CROCC2: variants seen among roughly 807,000 people sequenced by gnomAD.
The protein encoded by CROCC2 is ciliary rootlet coiled-coil, rootletin family member 2.
CROCC2 carries 163 observed loss-of-function variants against 177.6 expected under a neutral mutation model. The observed-to-expected ratio is 0.92, with a 90% CI of 0.81 to 1.05. The LOEUF (loss-of-function observed/expected upper bound fraction) is 1.05, where lower values mean the gene tolerates loss of function less well. Among genes scored for constraint, CROCC2 ranks in the 50% least tolerant of loss-of-function variants. The pLI is 0.00. For synonymous variants in CROCC2, 904 were observed against 787.3 expected (o/e 1.15, Z -2.48); for missense variants, 1,929 against 1,797.8 (o/e 1.07, Z -1.32).
rs2059810055 is a variant in CROCC2 at position 240,982,827 on chromosome 2, G to A, written c.4402-53G>A. 2 of 1,498,848 alleles carry A rather than the reference G, an allele frequency of 1.3e-6. No homozygotes were observed. Among genetic ancestry groups the A allele is most frequent in the Non-Finnish European group, 1.8e-6 (2 of 1,113,962 alleles). 92.8% of individuals were successfully genotyped at this position (1,498,848 alleles called of 1,614,324 possible). A position where few individuals can be genotyped will look rare whatever the true frequency, so the allele number is the denominator to read the frequency against. On this transcript the variant is annotated intron_variant, in intron 27 of 31. Transcript: ENST00000690015. This position sits in a 1 kb window ranked among gnomAD's most constrained non-coding sequence, Gnocchi z 4.7. ...GCCCTGAGGCCAGGGTTTCCCTGCA[G>A]GGCCTCCCACCCCCAGTGTCTCCAG...
chr2:240,988,655 C>CGTGTAG, intron 28 of CROCC2, 84 bp from the exon 29 acceptor site: 1 of 1,264,470 alleles, frequency 7.9e-7, no homozygotes, highest in Non-Finnish European at 1.0e-6. Context: ...TTCCCAGAGG[C>CGTGTAG]AACCCTGTGC....
At chr2:240,950,192 G>T (rs938625286) in intron 17 of CROCC2, 142 bp from the exon 18 acceptor site, 10 of 735,288 alleles carry the variant, frequency 1.4e-5, no homozygotes, top group Middle Eastern at 3.9e-4. Context: ...GGAAGACGTG[G>T]GGGGTGTGCA....
chr2:240,973,663 C>G lies in CROCC2; in HGVS notation c.4401+5401C>G, dbSNP rs2059738707. Among the ~76,000 whole-genome samples the G allele has an allele frequency of 6.6e-6, 1 of 152,234 alleles. No homozygotes were observed. Among genetic ancestry groups the G allele is most frequent in the Admixed American group, 6.5e-5 (1 of 15,284 alleles). On this transcript the variant is annotated intron_variant, in intron 27 of 31. Coordinates refer to ENST00000690015, the MANE Select transcript of CROCC2 (RefSeq NM_001351305.2). The surrounding 1 kb of genome is among the most constrained non-coding windows in gnomAD (Gnocchi z 4.7). ...TTCCGGGGTCCACATATGCCCACAG[C>G]TAGCAGAGCAGCTTAGGGCCAGCGG... is the stretch of plus-strand genomic sequence containing the variant.
At chr2:240,932,543 A>G (rs2059439840) in intron 8 of CROCC2, 129 bp downstream of exon 8, 3 of 689,448 alleles carry the variant, frequency 4.4e-6, no homozygotes, top group Non-Finnish European at 5.4e-6. Flanking sequence ...CCTGCAGTGC[A>G]CTTTGAGGCA....
At chr2:240,914,513 G>A (rs2059306806) in intron 1 of CROCC2, among the ~76,000 whole-genome samples, 1 of 152,224 alleles carries the variant, frequency 6.6e-6, no homozygotes. Flanking sequence ...AGCAGGACCT[G>A]GCAGCCCCCT....
At chr2:240,906,894 GGA>G (rs1034779816) in intron 1 of CROCC2, among the ~76,000 whole-genome samples, 3 of 151,508 alleles carry the variant, frequency 2.0e-5, no homozygotes, top group African/African-American at 7.3e-5. Flanking sequence ...TTTGCGGGGT[GGA>G]GAGAGAGCCC....
At position 240,932,806 on chromosome 2, in the gene CROCC2, C is replaced by A; in HGVS notation, c.1149C>A (p.Pro383=). 1 of 1,515,012 alleles carries A rather than the reference C, an allele frequency of 6.6e-7. No homozygotes were observed. The highest frequency in any genetic ancestry group is 9.0e-7 in the Non-Finnish European group (1 of 1,117,112). The allele number at this position is 1,515,012 out of a possible 1,614,324, so 93.8% of individuals were successfully genotyped here. A position where few individuals can be genotyped will look rare whatever the true frequency, so the allele number is the denominator to read the frequency against. The change falls in exon 9 of 32, where the codon CCC becomes CCA. Residue 383 remains proline, a synonymous_variant. Transcript: ENST00000690015. The stretch of plus-strand genomic sequence containing the variant: ...GGAGCCCCCAACGTGCCACATCCCC[C>A]CATCAAGGGGCGTCCCCACCACACA... ...PLRSPQRATS[P]HQGASPPHIC...
At chr2:240,969,652 T>C (rs56327669) in intron 27 of CROCC2, among the ~76,000 whole-genome samples, 10,661 of 152,234 alleles carry the variant, frequency 0.07, 510 homozygotes, top group African/African-American at 0.13. Context: ...TTTATGTGTA[T>C]AGTCACATGT....
chr2:240,915,061 C>T (rs961921221), intron 1 of CROCC2, among the ~76,000 whole-genome samples: 7 of 152,182 alleles, frequency 4.6e-5, no homozygotes, highest in African/African-American at 1.7e-4. Flanking sequence ...CTTTTGCAGG[C>T]AGTATGGGCT....
Position 240,961,830 on chromosome 2 carries a change from C to T in CROCC2, c.3088-1726C>T, listed in dbSNP as rs1211179231. 1.8e-4 allele frequency among the ~76,000 whole-genome samples: 11 copies of T among 61,338 alleles called. 3 individuals are homozygous for T. The highest frequency in any genetic ancestry group is 6.3e-4 in the African/African-American group (8 of 12,754). The allele number at this position is 61,338 out of a possible 152,430, so 40.2% of individuals were successfully genotyped here. On this transcript the variant is annotated intron_variant, in intron 20 of 31. Coordinates refer to ENST00000690015, the MANE Select transcript of CROCC2 (RefSeq NM_001351305.2). ...ACTCACATACACTCACACACACGCACGCACACATACACTCATGACACACAC... is the reference window on the plus strand; with the variant it reads ...ACTCACATACACTCACACACACGCATGCACACATACACTCATGACACACAC...
At position 240,935,872 on chromosome 2, in the gene CROCC2, T is replaced by C. The variant is rs138366508; in HGVS notation, c.2169+284T>C. On this transcript the variant is annotated intron_variant, in intron 14 of 31. Coordinates refer to ENST00000690015, the MANE Select transcript of CROCC2 (RefSeq NM_001351305.2). The stretch of plus-strand genomic sequence containing the variant: ...TGACTTCTGCACACTGGGCTCTTAG[T>C]GAGCTTTGCTGTTTCCTCCTCTGTC... 3.1e-3 allele frequency among the ~76,000 whole-genome samples: 465 copies of C among 152,344 alleles called. 9 individuals are homozygous for C. Among genetic ancestry groups the C allele is most frequent in the East Asian group, 0.029 (152 of 5,184 alleles).
chr2:240,938,449 T>C (rs1414072131), intron 14 of CROCC2, among the ~76,000 whole-genome samples: 2 of 152,258 alleles, frequency 1.3e-5, no homozygotes, highest in South Asian at 2.1e-4. Flanking sequence ...AACCACACTG[T>C]CTTGATTATG....
At chr2:240,925,434 GT>G (rs1037954172) in intron 4 of CROCC2, among the ~76,000 whole-genome samples, 8 of 152,234 alleles carry the variant, frequency 5.3e-5, no homozygotes, top group Non-Finnish European at 8.8e-5. Flanking sequence ...ACGGGCCAAG[GT>G]TGCAGAGCCA....
At chr2:240,929,583 C>G (rs2059415070) in intron 5 of CROCC2, 2 of 436,906 alleles carry the variant, frequency 4.6e-6, no homozygotes, top group Non-Finnish European at 9.3e-6. Flanking sequence ...GGCTTCCCAC[C>G]CTCCTCCCTG....
At position 240,917,296 on chromosome 2, in the gene CROCC2, C is replaced by T. The variant is rs974684047; in HGVS notation, c.79-1430C>T. Reference sequence around the variant, plus strand: ...GTCTGCGGTGACTCTCCAACCCCGGCGAGGGGGGCCGCGATCTTTGGGGTG... The same window carrying T: ...GTCTGCGGTGACTCTCCAACCCCGGTGAGGGGGGCCGCGATCTTTGGGGTG... On this transcript the variant is annotated intron_variant, in intron 1 of 31. Coordinates refer to ENST00000690015, the MANE Select transcript of CROCC2 (RefSeq NM_001351305.2). This position sits in a 1 kb window ranked among gnomAD's most constrained non-coding sequence, Gnocchi z 4.9. Among the ~76,000 whole-genome samples the T allele has an allele frequency of 3.7e-5, 5 of 136,132 alleles. No homozygotes were observed. The highest frequency in any genetic ancestry group is 1.7e-4 in the African/African-American group (5 of 29,602). 89.3% of individuals were successfully genotyped at this position (136,132 alleles called of 152,430 possible). A position where few individuals can be genotyped will look rare whatever the true frequency, so the allele number is the denominator to read the frequency against.
chr2:240,963,882 G>T (rs1467344825), intron 21 of CROCC2, 109 bp downstream of exon 21: 4 of 1,194,110 alleles, frequency 3.3e-6, no homozygotes, highest in Non-Finnish European at 4.7e-6. Context: ...TGTTGACTTG[G>T]GCCCCACTGA....
rs2059689929 is a variant in CROCC2, at chr2:240,967,285, C to T, written c.4147-60C>T. The T allele has an allele frequency of 2.1e-5, 13 of 611,664 alleles. 1 individual carries two copies. Among genetic ancestry groups the T allele is most frequent in the Non-Finnish European group, 3.9e-5 (13 of 329,668 alleles). The allele number at this position is 611,664 out of a possible 1,614,324, so 37.9% of individuals were successfully genotyped here. A position where few individuals can be genotyped will look rare whatever the true frequency, so the allele number is the denominator to read the frequency against. On this transcript the variant is annotated intron_variant, in intron 25 of 31. Coordinates refer to ENST00000690015, the MANE Select transcript of CROCC2 (RefSeq NM_001351305.2). ...CAGCTGGCCCCGACCCTCTAGCAGACACCTTGGCCCTCCACCCGCCCATTG... is the reference window on the plus strand; with the variant it reads ...CAGCTGGCCCCGACCCTCTAGCAGATACCTTGGCCCTCCACCCGCCCATTG...
At position 240,925,857 on chromosome 2, in the gene CROCC2, C is replaced by A; in HGVS notation, c.622C>A (p.Leu208Met). 1 of 714,380 alleles carries A rather than the reference C, an allele frequency of 1.4e-6. No individual in the cohort carries two copies. The allele number at this position is 714,380 out of a possible 1,614,324, so 44.3% of individuals were successfully genotyped here. Reference protein sequence around the residue: ...SVQRLQGELELRRWAQRQTRS... With the variant: ...SVQRLQGELEMRRWAQRQTRS... The stretch of plus-strand genomic sequence containing the variant: ...GCAGCGCCTGCAGGGCGAGCTGGAG[C>A]TGAGGCGCTGGGCCCAGAGACAGGT... Residue 208 changes from leucine (L) to methionine (M), a missense_variant, in exon 5 of 32, where the codon CTG (leucine) becomes ATG (methionine). This residue lies in a region of CROCC2 where 1,397 missense variants were observed against 1,239.9 expected (regional missense o/e 1.13). Coordinates refer to ENST00000690015, the MANE Select transcript of CROCC2 (RefSeq NM_001351305.2).
At chr2:240,933,432 C>A in intron 10 of CROCC2, 90 bp downstream of exon 10, 1 of 1,333,286 alleles carries the variant, frequency 7.5e-7, no homozygotes, top group Non-Finnish European at 1.0e-6. Context: ...ACCTCTAGAG[C>A]TGGAGGGGTT....
Sources: gnomAD v4.1 joint callset for allele counts (sites outside exome capture counted in the v4.1 genomes callset) on GRCh38, gnomAD v4.1.1 for gene constraint, gnomAD v4.1.1 regional missense constraint, Gnocchi (gnomAD v3.1) non-coding constraint, MANE v1.5 for transcripts, NCBI Gene and HGNC (gene_info 2026-07-23, HGNC 2026-07-21) for gene names.